Variants in ISM1 observed in about 807,000 individuals in gnomAD.
ISM1 encodes the protein isthmin 1, also known as isthmin-1.
In ISM1, 25 loss-of-function variants were observed where a neutral mutation model predicts 46.3. That is an observed-to-expected ratio of 0.54 (90% CI 0.39 to 0.75). The LOEUF (loss-of-function observed/expected upper bound fraction) is 0.75. ISM1 is among the 30% of genes least tolerant of loss of function. The probability of loss-of-function intolerance (pLI) is 0.00; values close to 1 mark genes in which losing one functional copy is unlikely to be tolerated. For missense variants in ISM1, 536 were observed against 625.4 expected (o/e 0.86, Z 1.52); for synonymous variants, 255 against 256.7 (o/e 0.99, Z 0.06).
At chr20:13,268,842 G>A (rs1468882339) in intron 1 of ISM1, among the ~76,000 whole-genome samples, 1 of 152,142 alleles carries the variant, frequency 6.6e-6, no homozygotes, top group African/African-American at 2.4e-5. Flanking sequence ...TTGAGCCCAG[G>A]AGTCTGAGGT....
intron 1 of ISM1, among the ~76,000 whole-genome samples, chr20:13,227,611 C>A (rs1329697960): frequency 2.0e-5 from 3 of 151,666 alleles, no homozygotes. Flanking sequence ...TGGCTTCACG[C>A]CATTCTCCTG....
rs1194424825 is a variant in ISM1, at chr20:13,268,175, TCTC to T, written c.139-2325_139-2323del. Among the ~76,000 whole-genome samples, 12 of 133,616 alleles carry T rather than the reference TCTC, an allele frequency of 9.0e-5. No individual in the cohort carries two copies. In the East Asian group the frequency reaches 1.6e-3, roughly 18 times the overall value. 87.7% of individuals were successfully genotyped at this position (133,616 alleles called of 152,430 possible). ...TCTTCCCTTCCCTTCTCTCCTCTCC[TCTC>T]CTCTTCTCTTCACTTCGCTTCTCTT... On this transcript the variant is annotated intron_variant, in intron 1 of 5. Coordinates refer to ENST00000262487, the MANE Select transcript of ISM1 (RefSeq NM_080826.2).
intron 1 of ISM1, among the ~76,000 whole-genome samples, chr20:13,229,152 T>C (rs76741638): frequency 0.14 from 16,056 of 114,324 alleles, 975 homozygotes; most frequent in African/African-American, 0.21. Flanking sequence ...CTCTCTCTCT[T>C]TCTGCATTTT....
At chr20:13,223,861 T>A (rs1393821036) in intron 1 of ISM1, among the ~76,000 whole-genome samples, 1 of 152,168 alleles carries the variant, frequency 6.6e-6, no homozygotes, top group African/African-American at 2.4e-5. Flanking sequence ...TGAAAAGCCA[T>A]AAAAATGATG....
the ISM1 span, among the ~76,000 whole-genome samples, chr20:13,315,289 C>T: frequency 0.12 from 18,418 of 151,988 alleles, 1,245 homozygotes; most frequent in Admixed American, 0.18. Context: ...CAACTATATG[C>T]TGTCTACAAG....
At chr20:13,243,443 T>G (rs566484117) in intron 1 of ISM1, among the ~76,000 whole-genome samples, 18 of 152,322 alleles carry the variant, frequency 1.2e-4, no homozygotes, top group African/African-American at 3.6e-4. Flanking sequence ...CACGTATTTT[T>G]GGTAGAAAGC....
At chr20:13,279,289 C>T (rs558344512) in intron 2 of ISM1, among the ~76,000 whole-genome samples, 1 of 152,336 alleles carries the variant, frequency 6.6e-6, no homozygotes, top group Non-Finnish European at 1.5e-5. Context: ...CTCAATACCA[C>T]ATGGAGGAGA....
At chr20:13,263,816 T>C (rs2040015011) in intron 1 of ISM1, among the ~76,000 whole-genome samples, 2 of 152,248 alleles carry the variant, frequency 1.3e-5, no homozygotes, top group Non-Finnish European at 2.9e-5. Context: ...GATATATTGC[T>C]AATTAACTAT....
intron 4 of ISM1, among the ~76,000 whole-genome samples, chr20:13,290,732 A>AT (rs577747851): frequency 3.8e-4 from 58 of 152,288 alleles, no homozygotes; most frequent in African/African-American, 1.4e-3. Context: ...GATGAAGAAG[A>AT]TTTTTTGAGT....
the ISM1 span, among the ~76,000 whole-genome samples, chr20:13,312,780 A>C: frequency 0.014 from 2,139 of 152,314 alleles, 48 homozygotes; most frequent in African/African-American, 0.049. Flanking sequence ...CAATTTTTAC[A>C]AATGAGGACC....
At position 13,297,830 on chromosome 20, in the gene ISM1, C is replaced by A. The variant is rs563050597; in HGVS notation, c.878-1112C>A. 4.6e-5 allele frequency among the ~76,000 whole-genome samples: 7 copies of A among 152,294 alleles called. No homozygotes were observed. The East Asian group carries it at 1.4e-3, about 29-fold the overall frequency. On this transcript the variant is annotated intron_variant, in intron 5 of 5. Transcript: ENST00000262487. ...ACTGAAAGAACCAAACACAACCCTT[C>A]TGGGGGTAGATTTTGACCCAGGCCT...
chr20:13,292,695 T>G (rs1244679906), intron 5 of ISM1, among the ~76,000 whole-genome samples: 1 of 152,120 alleles, frequency 6.6e-6, no homozygotes, highest in Non-Finnish European at 1.5e-5. Flanking sequence ...CTATGCAGCC[T>G]TCACAGCCAG....
At chr20:13,272,401 GA>G (rs1254603631) in intron 2 of ISM1, among the ~76,000 whole-genome samples, 3 of 152,200 alleles carry the variant, frequency 2.0e-5, no homozygotes, top group Admixed American at 2.0e-4. Context: ...ATAGGAAATT[GA>G]AAAATGTAAG....
At chr20:13,280,777 A>C (rs1299434649) in intron 3 of ISM1, among the ~76,000 whole-genome samples, 1 of 152,224 alleles carries the variant, frequency 6.6e-6, no homozygotes, top group Non-Finnish European at 1.5e-5. Flanking sequence ...GGTGCAAGGG[A>C]GGCTGGGAAA....
At chr20:13,312,630 C>A in the ISM1 span, among the ~76,000 whole-genome samples, 3 of 152,190 alleles carry the variant, frequency 2.0e-5, no homozygotes, top group Non-Finnish European at 2.9e-5. Context: ...TGCTCTCCTG[C>A]CTCTGGGGCC....
At chr20:13,307,598 C>G in the ISM1 span, among the ~76,000 whole-genome samples, 1 of 152,192 alleles carries the variant, frequency 6.6e-6, no homozygotes, top group Non-Finnish European at 1.5e-5. Context: ...GTAACGGGCA[C>G]TCACTCCTCA....
At chr20:13,267,318 C>G (rs114299080) in intron 1 of ISM1, among the ~76,000 whole-genome samples, 1 of 152,120 alleles carries the variant, frequency 6.6e-6, no homozygotes, top group Non-Finnish European at 1.5e-5. Context: ...GGGGGCAGGG[C>G]GGTTCGGAGA....
At chr20:13,311,101 G>T in the ISM1 span, among the ~76,000 whole-genome samples, 2 of 152,074 alleles carry the variant, frequency 1.3e-5, no homozygotes, top group Non-Finnish European at 2.9e-5. Context: ...GGCTGAGGTG[G>T]GAGAATCACT....
rs1275238008 is a variant in ISM1 at position 13,223,162 on chromosome 20, AAAAAT to A, written c.138+1277_138+1281del. 1.8e-3 allele frequency among the ~76,000 whole-genome samples: 269 copies of A among 146,064 alleles called. 2 individuals are homozygous for A. The highest frequency in any genetic ancestry group is 5.0e-3 in the African/African-American group (192 of 38,640). On this transcript the variant is annotated intron_variant, in intron 1 of 5. Transcript: ENST00000262487. ...ACAGAGCGAGACTCCGTCTCAAAAA[AAAAAT>A]AAAATAAAATAAAATAAAATAAAAT...
Sources: gnomAD v4.1 joint callset for allele counts (sites outside exome capture counted in the v4.1 genomes callset) on GRCh38, gnomAD v4.1.1 for gene constraint, MANE v1.5 for transcripts, NCBI Gene and HGNC (gene_info 2026-07-23, HGNC 2026-07-21) for gene names.